LRP1B: variants seen among roughly 807,000 people sequenced by gnomAD.
The protein encoded by LRP1B is LDL receptor related protein 1B.
A neutral mutation model predicts 556.6 loss-of-function variants in LRP1B; 217 were observed. The ratio of observed to expected loss-of-function variants is 0.39; its 90% CI spans 0.35 to 0.44. The LOEUF (loss-of-function observed/expected upper bound fraction) is 0.44, where lower values mean the gene tolerates loss of function less well. Ranked by LOEUF, LRP1B falls within the 20% of genes least tolerant of loss-of-function variation. The pLI, the probability that LRP1B is intolerant of heterozygous loss-of-function variation, is 1.00. For synonymous variants in LRP1B, 2,047 were observed against 1,865.8 expected, an observed-to-expected ratio of 1.10 and a Z score of -2.50; for missense variants, 5,053 against 5,620.8, an observed-to-expected ratio of 0.90 and a Z score of 3.23.
At position 140,443,478 on chromosome 2, in the gene LRP1B, C is replaced by T. The variant is rs78803783; in HGVS notation, c.10294+852G>A. ...GCTAACCATAAAGAACTGGTACTGA[C>T]TTTATTCTGAATGCACCATCTTAAT... On this transcript the variant is annotated intron_variant, in intron 65 of 90. Coordinates refer to ENST00000389484, the MANE Select transcript of LRP1B (RefSeq NM_018557.3). 5.3e-5 allele frequency among the ~76,000 whole-genome samples: 8 copies of T among 152,284 alleles called. No homozygotes were observed. In the East Asian group the frequency reaches 1.5e-3, roughly 29 times the overall value.
chr2:141,755,397 C>T (rs1367450900), intron 2 of LRP1B, among the ~76,000 whole-genome samples: 1 of 151,830 alleles, frequency 6.6e-6, no homozygotes, highest in Non-Finnish European at 1.5e-5. Flanking sequence ...GACCACATAC[C>T]TATGAGGAAA....
intron 43 of LRP1B, among the ~76,000 whole-genome samples, chr2:140,557,379 T>C (rs1680771656): frequency 6.6e-6 from 1 of 152,158 alleles, no homozygotes; most frequent in Admixed American, 6.6e-5. Flanking sequence ...TCTTCTTCAT[T>C]AGAATGCTAT....
intron 2 of LRP1B, among the ~76,000 whole-genome samples, chr2:141,658,808 G>A (rs753210045): frequency 9.9e-5 from 15 of 152,198 alleles, no homozygotes; most frequent in Admixed American, 6.5e-5. Context: ...ATAAATGGTG[G>A]TGGATATAAA....
intron 7 of LRP1B, among the ~76,000 whole-genome samples, chr2:141,156,072 T>G (rs1702057768): frequency 6.6e-6 from 1 of 152,150 alleles, no homozygotes; most frequent in African/African-American, 2.4e-5. Flanking sequence ...TTACCATAGC[T>G]GATAAAACTG....
chr2:142,019,792 C>T (rs1028014851), intron 1 of LRP1B, among the ~76,000 whole-genome samples: 1 of 152,210 alleles, frequency 6.6e-6, no homozygotes, highest in Non-Finnish European at 1.5e-5. Flanking sequence ...CAGCCACATT[C>T]CCATCTCAGG....
intron 1 of LRP1B, among the ~76,000 whole-genome samples, chr2:142,120,797 T>A (rs1412299132): frequency 6.6e-6 from 1 of 152,136 alleles, no homozygotes; most frequent in Non-Finnish European, 1.5e-5. Flanking sequence ...ATTAATTCCA[T>A]TTTACAGACA....
intron 7 of LRP1B, among the ~76,000 whole-genome samples, chr2:141,162,882 T>TA: frequency 6.6e-6 from 1 of 152,134 alleles, no homozygotes; most frequent in African/African-American, 2.4e-5. Context: ...AAATATGGGT[T>TA]TTGATTTTCC....
intron 2 of LRP1B, among the ~76,000 whole-genome samples, chr2:141,761,693 T>G (rs1037709622): frequency 6.6e-6 from 1 of 152,284 alleles, no homozygotes; most frequent in South Asian, 2.1e-4. Flanking sequence ...CATCACTTTA[T>G]TCCTAAGCCA....
At chr2:141,943,146 T>A (rs1285806446) in intron 1 of LRP1B, among the ~76,000 whole-genome samples, 1 of 152,196 alleles carries the variant, frequency 6.6e-6, no homozygotes, top group Non-Finnish European at 1.5e-5. Context: ...GAAATTTAAA[T>A]GCTGTATTAA....
intron 59 of LRP1B, among the ~76,000 whole-genome samples, chr2:140,478,089 C>A (rs1011442154): frequency 6.8e-6 from 1 of 147,996 alleles, no homozygotes; most frequent in Admixed American, 6.7e-5. Flanking sequence ...TTATAAATTT[C>A]TTGAGAAAAA....
chr2:140,550,969 G>C (rs1043007528), intron 43 of LRP1B, among the ~76,000 whole-genome samples: 2 of 152,006 alleles, frequency 1.3e-5, no homozygotes, highest in Non-Finnish European at 2.9e-5. Flanking sequence ...TATAAGTAGA[G>C]GAAGAGAAAT....
chr2:140,727,401 C>T (rs1320626498), intron 35 of LRP1B, among the ~76,000 whole-genome samples: 1 of 152,126 alleles, frequency 6.6e-6, no homozygotes, highest in Non-Finnish European at 1.5e-5. Context: ...GTATATCACC[C>T]ATTTTTGGCA....
chr2:141,464,168 CAAA>C (rs1682066683), intron 3 of LRP1B, among the ~76,000 whole-genome samples: 1 of 151,888 alleles, frequency 6.6e-6, no homozygotes, highest in African/African-American at 2.4e-5. Flanking sequence ...CCTGCCCACT[CAAA>C]AAAGAAGCAT....
At chr2:140,240,238 T>A (rs1680889025) in intron 87 of LRP1B, among the ~76,000 whole-genome samples, 1 of 150,880 alleles carries the variant, frequency 6.6e-6, no homozygotes, top group Non-Finnish European at 1.5e-5. Context: ...TAGCAAGACA[T>A]ATTTTAGGAG....
chr2:141,883,124 A>T (rs1413915021), intron 1 of LRP1B, among the ~76,000 whole-genome samples: 1 of 152,174 alleles, frequency 6.6e-6, no homozygotes, highest in Non-Finnish European at 1.5e-5. Flanking sequence ...TATGATACTC[A>T]CTTAGTCCAA....
At chr2:141,057,766 G>A (rs1271759281) in intron 9 of LRP1B, among the ~76,000 whole-genome samples, 3 of 151,724 alleles carry the variant, frequency 2.0e-5, no homozygotes, top group Non-Finnish European at 4.4e-5. Flanking sequence ...CCCAGTCTTG[G>A]GTACGTCTTT....
chr2:141,303,784 G>A (rs1686482786), intron 3 of LRP1B, among the ~76,000 whole-genome samples: 1 of 152,118 alleles, frequency 6.6e-6, no homozygotes, highest in Non-Finnish European at 1.5e-5. Flanking sequence ...ATAACCAAGA[G>A]TGGATTGCTG....
intron 1 of LRP1B, among the ~76,000 whole-genome samples, chr2:141,879,814 A>G (rs1296794005): frequency 3.3e-5 from 5 of 152,032 alleles, no homozygotes; most frequent in African/African-American, 1.2e-4. Flanking sequence ...GATAAAGGAA[A>G]CAACTTAAAA....
intron 55 of LRP1B, among the ~76,000 whole-genome samples, chr2:140,496,848 G>A (rs1688965783): frequency 6.6e-6 from 1 of 151,796 alleles, no homozygotes; most frequent in South Asian, 2.1e-4. Context: ...AAAGTAACTA[G>A]TATTCAAGAG....
Sources: allele counts gnomAD v4.1 joint callset (sites outside exome capture counted in the v4.1 genomes callset), GRCh38; gene constraint gnomAD v4.1.1; transcripts MANE v1.5; gene names NCBI Gene and HGNC (gene_info 2026-07-23, HGNC 2026-07-21).